Variants in HIP1 observed in about 807,000 individuals in gnomAD.
HIP1 encodes the protein huntingtin-interacting protein 1.
Under a neutral mutation model 147.6 loss-of-function variants are expected in HIP1, and 65 were observed. That is an observed-to-expected ratio of 0.44 (90% confidence interval 0.36 to 0.54). The LOEUF (loss-of-function observed/expected upper bound fraction) is 0.54, where lower values mean the gene tolerates loss of function less well. Ranked by LOEUF, HIP1 falls within the 20% of genes least tolerant of loss-of-function variation. The pLI is 0.00. For synonymous variants in HIP1, 479 were observed against 504.0 expected (o/e 0.95, Z 0.67); for missense variants, 1,061 against 1,299.6 (o/e 0.82, Z 2.82).
rs781896140 is a variant in HIP1, at chr7:75,559,919, T to C, written c.1192-4A>G. On this transcript the variant is annotated splice_region_variant and splice_polypyrimidine_tract_variant and intron_variant, in intron 13 of 30. Coordinates refer to ENST00000336926, the MANE Select transcript of HIP1 (RefSeq NM_005338.7). ...GCTGCAGCACAACCCGCTGGCTCTG[T>C]GGGGGGACTCCGGTCATGAGGCCAA... The C allele has an allele frequency of 5.6e-6, 9 of 1,594,318 alleles. No individual in the cohort carries two copies. The African/African-American group carries it at 1.2e-4, about 21-fold the overall frequency.
chr7:75,664,008 A>ATATATATATACACATATATGTG (rs1799420675), intron 1 of HIP1, among the ~76,000 whole-genome samples: 1 of 23,132 alleles, frequency 4.3e-5, no homozygotes, highest in Middle Eastern at 0.062. Flanking sequence ...ATATATGTGT[A>ATATATATATACACATATATGTG]TATATATACA....
In HIP1 at chr7:75,542,875, C is replaced by G. The variant is rs782738185; in HGVS notation, c.2866G>C (p.Gly956Arg). 1 of 1,613,812 alleles carries G rather than the reference C, an allele frequency of 6.2e-7. No individual in the cohort carries two copies. Among genetic ancestry groups the G allele is most frequent in the African/African-American group, 1.3e-5 (1 of 74,874 alleles). Residue 956 changes from glycine (G) to arginine (R), a missense_variant, in exon 28 of 31, where the codon GGC becomes CGC. By Grantham distance (125) the Gly-to-Arg change is moderately radical. Transcript: ENST00000336926. ...CCTGTCTCTTCGATCTGTGATTTGC[C>G]GGAAATGGTTGAGGCCACAACGCCG... ...TAGVVASTIS[G>R]KSQIEETDNM...
At chr7:75,574,403 AC>A (rs1448416143) in intron 7 of HIP1, among the ~76,000 whole-genome samples, 2 of 151,564 alleles carry the variant, frequency 1.3e-5, no homozygotes, top group Non-Finnish European at 2.9e-5. Context: ...AGCCTCTCCA[AC>A]ATGGGAAAAC....
intron 1 of HIP1, among the ~76,000 whole-genome samples, chr7:75,657,719 T>C (rs1799186193): frequency 6.6e-6 from 1 of 151,706 alleles, no homozygotes; most frequent in African/African-American, 2.4e-5. Context: ...CTGGGAAGAA[T>C]AGACCCTGGG....
intron 1 of HIP1, chr7:75,625,890 G>A (rs1402800659): frequency 1.3e-5 from 2 of 151,982 alleles, no homozygotes; most frequent in Non-Finnish European, 2.9e-5. Context: ...GGGTAACATG[G>A]TGAATCCCTG....
In HIP1 at chr7:75,738,878, G is replaced by A. The variant is rs782305498; in HGVS notation, c.43C>T (p.Leu15=). ...CCGCGCCGGCTCAGCACCTTGGGCA[G>A]TGGGTTGGGCACCTGCTTCATGGAG... ...ASSMKQVPNP[L]PKVLSRRGVG... is the part of the protein sequence containing the mutation. Residue 15 remains leucine, a synonymous_variant, in exon 1 of 31, where the codon CTG becomes TTG. Coordinates refer to ENST00000336926, the MANE Select transcript of HIP1 (RefSeq NM_005338.7). The A allele has an allele frequency of 6.4e-7, 1 of 1,572,398 alleles. No homozygotes were observed. The highest frequency in any genetic ancestry group is 1.8e-5 in the Admixed American group (1 of 54,590).
intron 29 of HIP1, among the ~76,000 whole-genome samples, chr7:75,539,708 G>A (rs1794234294): frequency 6.6e-6 from 1 of 151,950 alleles, no homozygotes; most frequent in Admixed American, 6.6e-5. Context: ...ACTTTATCTG[G>A]CCCTCAATTT....
chr7:75,563,413 T>C (rs1795299002), intron 9 of HIP1, 150 bp from the exon 10 acceptor site: 1 of 641,712 alleles, frequency 1.6e-6, no homozygotes, highest in East Asian at 2.7e-5. Flanking sequence ...GATTCAATTA[T>C]GATGCTGCAG....
At chr7:75,617,990 G>T (rs969387643) in intron 1 of HIP1, among the ~76,000 whole-genome samples, 3 of 152,194 alleles carry the variant, frequency 2.0e-5, no homozygotes, top group Non-Finnish European at 4.4e-5. Context: ...GTGGCCTTTC[G>T]TAATGGCCCT....
intron 1 of HIP1, among the ~76,000 whole-genome samples, chr7:75,669,201 TAA>T (rs370470973): frequency 2.6e-4 from 39 of 149,782 alleles, no homozygotes; most frequent in South Asian, 1.1e-3. Context: ...CTGTCTATAC[TAA>T]AAAAAAAAAA....
At chr7:75,698,226 T>A (rs12216544) in intron 1 of HIP1, among the ~76,000 whole-genome samples, 1 of 151,790 alleles carries the variant, frequency 6.6e-6, no homozygotes, top group Admixed American at 6.6e-5. Flanking sequence ...CTAAGAAAAG[T>A]AGATAATATT....
intron 1 of HIP1, among the ~76,000 whole-genome samples, chr7:75,631,544 C>A (rs1236044603): frequency 6.6e-6 from 1 of 152,138 alleles, no homozygotes; most frequent in African/African-American, 2.4e-5. Flanking sequence ...CTCACTCAAC[C>A]ATTCCCATTT....
At chr7:75,633,731 C>A (rs926846496) in intron 1 of HIP1, among the ~76,000 whole-genome samples, 17 of 152,298 alleles carry the variant, frequency 1.1e-4, no homozygotes, top group Admixed American at 5.2e-4. Context: ...TCCAGTTGGG[C>A]ATTTAACTTC....
At chr7:75,700,705 A>T (rs1800798126) in intron 1 of HIP1, among the ~76,000 whole-genome samples, 1 of 151,748 alleles carries the variant, frequency 6.6e-6, no homozygotes, top group East Asian at 1.9e-4. Flanking sequence ...TGACCAGGTG[A>T]ACACTTTTTT....
At chr7:75,575,764 G>A (rs1554497589) in intron 7 of HIP1, among the ~76,000 whole-genome samples, 1 of 152,030 alleles carries the variant, frequency 6.6e-6, no homozygotes, top group African/African-American at 2.4e-5. Context: ...GCCACCCACT[G>A]CCTCTGCAGA....
At chr7:75,671,577 C>A (rs1008361782) in intron 1 of HIP1, among the ~76,000 whole-genome samples, 4 of 152,082 alleles carry the variant, frequency 2.6e-5, no homozygotes, top group African/African-American at 9.7e-5. Flanking sequence ...TGGGTATAAA[C>A]CCACAAGTGG....
intron 4 of HIP1, among the ~76,000 whole-genome samples, chr7:75,591,106 C>T (rs587615896): frequency 6.6e-6 from 1 of 151,672 alleles, no homozygotes; most frequent in African/African-American, 2.4e-5. Context: ...AATCTTGGCT[C>T]ACCACAACCT....
At chr7:75,607,915 A>G (rs1554504137) in intron 1 of HIP1, among the ~76,000 whole-genome samples, 1 of 152,082 alleles carries the variant, frequency 6.6e-6, no homozygotes, top group Admixed American at 6.6e-5. Context: ...TAAAATTCAC[A>G]AGATGAAATC....
chr7:75,657,641 C>T (rs782507136), intron 1 of HIP1, among the ~76,000 whole-genome samples: 1 of 151,132 alleles, frequency 6.6e-6, no homozygotes, highest in East Asian at 1.9e-4. Context: ...AGAAAAGAAA[C>T]AGAAAACCAA....
Sources: allele counts gnomAD v4.1 joint callset (sites outside exome capture counted in the v4.1 genomes callset), GRCh38; gene constraint gnomAD v4.1.1; transcripts MANE v1.5; gene names NCBI Gene and HGNC (gene_info 2026-07-23, HGNC 2026-07-21).